The following EYS variants were observed in gnomAD, a reference collection of about 807,000 sequenced individuals.
EYS encodes the protein EGF-like photoreceptor maintenance factor.
In EYS, 250 loss-of-function variants were observed where a neutral mutation model predicts 282.1. The observed-to-expected ratio is 0.89, with a 90% CI of 0.80 to 0.98. The LOEUF (loss-of-function observed/expected upper bound fraction) is 0.98, where lower values mean the gene tolerates loss of function less well. EYS is among the 50% of genes least tolerant of loss of function. EYS has a pLI of 0.00. For synonymous variants in EYS, 1,355 were observed against 1,282.9 expected, an observed-to-expected ratio of 1.06 and a Z score of -1.20; for missense variants, 4,016 against 3,709.0, an observed-to-expected ratio of 1.08 and a Z score of -2.15.
chr6:64,539,433 G>T (rs908989217), intron 26 of EYS, among the ~76,000 whole-genome samples: 1 of 151,998 alleles, frequency 6.6e-6, no homozygotes, highest in African/African-American at 2.4e-5. Context: ...TAATCATCTG[G>T]GTGTGGCAGT....
chr6:64,601,641 T>C (rs569199089), intron 24 of EYS, among the ~76,000 whole-genome samples: 1 of 152,254 alleles, frequency 6.6e-6, no homozygotes, highest in Non-Finnish European at 1.5e-5. Flanking sequence ...ACTCCCACTT[T>C]TAACCTCCTT....
At chr6:64,290,040 C>A (rs116393399) in intron 30 of EYS, among the ~76,000 whole-genome samples, 4 of 152,100 alleles carry the variant, frequency 2.6e-5, no homozygotes, top group Non-Finnish European at 4.4e-5. Flanking sequence ...TGTTGTATAG[C>A]TGAATGCCTT....
intron 22 of EYS, among the ~76,000 whole-genome samples, chr6:64,750,126 G>T (rs991725356): frequency 6.6e-6 from 1 of 151,854 alleles, no homozygotes; most frequent in East Asian, 1.9e-4. Context: ...TTACAAAAAG[G>T]TTCCAAAGTA....
intron 30 of EYS, among the ~76,000 whole-genome samples, chr6:64,297,977 C>CAAAAAAAAAAA (rs34562408): frequency 2.1e-5 from 2 of 96,454 alleles, no homozygotes; most frequent in African/African-American, 7.7e-5. Flanking sequence ...GATTCTGTCT[C>CAAAAAAAAAAA]AAAAAAAAAA....
intron 36 of EYS, among the ~76,000 whole-genome samples, chr6:63,833,153 G>T (rs1416548090): frequency 6.6e-6 from 1 of 152,118 alleles, no homozygotes; most frequent in Non-Finnish European, 1.5e-5. Flanking sequence ...ATGAAAACTG[G>T]CACAAGACAG....
At chr6:65,278,093 G>A (rs77743335) in intron 12 of EYS, among the ~76,000 whole-genome samples, 2,472 of 25,836 alleles carry the variant, frequency 0.096, 33 homozygotes, top group Middle Eastern at 0.19. Context: ...TGAAAGATTG[G>A]CTCCTGGGTC....
intron 12 of EYS, among the ~76,000 whole-genome samples, chr6:65,190,724 T>A (rs1356794571): frequency 6.6e-6 from 1 of 151,802 alleles, no homozygotes; most frequent in African/African-American, 2.4e-5. Flanking sequence ...TTTCCCTCTT[T>A]TAATCCAAAG....
chr6:64,885,681 A>G (rs139008966), intron 19 of EYS, among the ~76,000 whole-genome samples: 1 of 151,906 alleles, frequency 6.6e-6, no homozygotes, highest in Non-Finnish European at 1.5e-5. Flanking sequence ...TATTAACTTA[A>G]TCTGATAGTT....
rs574936142 is a variant in EYS at position 64,659,561 on chromosome 6, C to T, written c.3444-33316G>A. 2.7e-3 allele frequency among the ~76,000 whole-genome samples: 405 copies of T among 152,064 alleles called. 2 individuals carry two copies. Among genetic ancestry groups the T allele is most frequent in the African/African-American group, 9.3e-3 (385 of 41,470 alleles). On this transcript the variant is annotated intron_variant, in intron 22 of 42. Coordinates refer to ENST00000503581, the MANE Select transcript of EYS (RefSeq NM_001142800.2). Reference sequence around the variant, plus strand: ...AAAAATGATAAAGGGGATACCACCACCGATCCCACAGAAATACAAACTACC... The same window carrying T: ...AAAAATGATAAAGGGGATACCACCATCGATCCCACAGAAATACAAACTACC...
chr6:65,596,407 TA>T, intron 2 of EYS, among the ~76,000 whole-genome samples: 1 of 152,218 alleles, frequency 6.6e-6, no homozygotes, highest in East Asian at 1.9e-4. Context: ...TTCAAACAGA[TA>T]GATATGTATG....
intron 12 of EYS, among the ~76,000 whole-genome samples, chr6:65,169,804 G>A (rs1765062257): frequency 6.6e-6 from 1 of 151,328 alleles, no homozygotes; most frequent in Admixed American, 6.6e-5. Flanking sequence ...TCTAATATAT[G>A]TAAGTCTTTT....
At position 64,590,617 on chromosome 6, in the gene EYS, T is replaced by C; in HGVS notation, c.5250A>G (p.Leu1750=). 1 of 1,551,292 alleles carries C rather than the reference T, an allele frequency of 6.4e-7. No homozygotes were observed. Among genetic ancestry groups the C allele is most frequent in the Non-Finnish European group, 8.7e-7 (1 of 1,146,724 alleles). ...SDSSLDFELN[L]QIYPDVTLKT... ...TTAAAGTAACATCCGGATAAATTTG[T>C]AAGTTTAACTCAAAATCCAGAGAAC... is the stretch of plus-strand genomic sequence containing the variant. Residue 1750 remains leucine, a synonymous_variant, in exon 26 of 43, where the codon TTA becomes TTG. Transcript: ENST00000503581.
At chr6:64,993,742 A>T (rs1219050549) in intron 14 of EYS, among the ~76,000 whole-genome samples, 5 of 151,656 alleles carry the variant, frequency 3.3e-5, no homozygotes, top group Admixed American at 1.3e-4. Context: ...AAAAACCAAA[A>T]TAATGAAAAA....
At position 63,721,308 on chromosome 6, in the gene EYS, T is replaced by A; in HGVS notation, c.8723A>T (p.Asn2908Ile). 1 of 1,552,006 alleles carries A rather than the reference T, an allele frequency of 6.4e-7. No individual in the cohort carries two copies. Among genetic ancestry groups the A allele is most frequent in the Non-Finnish European group, 8.7e-7 (1 of 1,146,998 alleles). ...SCRCLPDWAG[N>I]TCNQSVSCLN... ...ACAGGACACAGACTGGTTACATGTA[T>A]TTCCAGCCCAATCTGGCAAACATCT... The change falls in exon 43 of 43, where the codon AAT (asparagine) becomes ATT (isoleucine). Residue 2908 changes from asparagine (N) to isoleucine (I), a missense_variant. Asn to Ile is a moderately radical substitution (Grantham distance 149). Coordinates refer to ENST00000503581, the MANE Select transcript of EYS (RefSeq NM_001142800.2).
chr6:64,455,575 G>A lies in EYS; in HGVS notation c.5645-16223C>T, dbSNP rs181428617. The stretch of plus-strand genomic sequence containing the variant: ...AGGTTTTAAGCCCTGCATGCATTAG[G>A]TATTTGTCCTAATGCACTCCCTCCC... On this transcript the variant is annotated intron_variant, in intron 26 of 42. Coordinates refer to ENST00000503581, the MANE Select transcript of EYS (RefSeq NM_001142800.2). Among the ~76,000 whole-genome samples, 260 of 152,004 alleles carry A rather than the reference G, an allele frequency of 1.7e-3. 1 individual carries two copies. The highest frequency in any genetic ancestry group is 6.1e-3 in the African/African-American group (255 of 41,468).
intron 26 of EYS, among the ~76,000 whole-genome samples, chr6:64,521,974 G>A (rs1777754580): frequency 6.6e-6 from 1 of 151,736 alleles, no homozygotes; most frequent in African/African-American, 2.4e-5. Context: ...AGTGTTTACT[G>A]AGAGTCCATG....
chr6:65,358,775 T>C (rs1764590799), intron 8 of EYS, among the ~76,000 whole-genome samples: 1 of 147,950 alleles, frequency 6.8e-6, no homozygotes, highest in South Asian at 2.1e-4. Flanking sequence ...AATGTATAGC[T>C]CATATTTCTA....
intron 26 of EYS, among the ~76,000 whole-genome samples, chr6:64,484,303 G>C (rs77034326): frequency 4.0e-5 from 6 of 151,594 alleles, no homozygotes; most frequent in Non-Finnish European, 7.4e-5. Flanking sequence ...AGATTATGTT[G>C]ATTCAGCAAA....
intron 26 of EYS, among the ~76,000 whole-genome samples, chr6:64,548,186 A>C (rs1306915498): frequency 6.6e-6 from 1 of 152,206 alleles, no homozygotes; most frequent in African/African-American, 2.4e-5. Context: ...ACCAAGAGCA[A>C]GCGAGGGCTG....
Sources: allele counts gnomAD v4.1 joint callset (sites outside exome capture counted in the v4.1 genomes callset), GRCh38; gene constraint gnomAD v4.1.1; transcripts MANE v1.5; gene names NCBI Gene and HGNC (gene_info 2026-07-23, HGNC 2026-07-21).